Variants in DCC observed in about 807,000 individuals in gnomAD.
The protein encoded by DCC is netrin receptor DCC.
A neutral mutation model predicts 172.5 loss-of-function variants in DCC; 58 were observed. That is an observed-to-expected ratio of 0.34 (90% CI 0.27 to 0.42). The LOEUF (loss-of-function observed/expected upper bound fraction) is 0.42, where lower values mean the gene tolerates loss of function less well. Among genes scored for constraint, DCC ranks in the 10% least tolerant of loss-of-function variants. The pLI, the probability that DCC is intolerant of heterozygous loss-of-function variation, is 1.00. For synonymous variants in DCC, 709 were observed against 644.5 expected (o/e 1.10, Z -1.52); for missense variants, 1,740 against 1,791.0 (o/e 0.97, Z 0.51).
chr18:53,260,826 C>A (rs2056588155), intron 12 of DCC, among the ~76,000 whole-genome samples: 2 of 152,134 alleles, frequency 1.3e-5, no homozygotes, highest in Admixed American at 1.3e-4. Flanking sequence ...GCAGGCAGGC[C>A]TCCTTGAACT....
chr18:52,525,913 C>T (rs1428059866), intron 1 of DCC, among the ~76,000 whole-genome samples: 1 of 152,146 alleles, frequency 6.6e-6, no homozygotes, highest in Non-Finnish European at 1.5e-5. Flanking sequence ...TCTTATCTGC[C>T]AAATGAAAAT....
chr18:52,438,600 T>C (rs1429353204), intron 1 of DCC, among the ~76,000 whole-genome samples: 1 of 152,232 alleles, frequency 6.6e-6, no homozygotes, highest in Non-Finnish European at 1.5e-5. Flanking sequence ...TGAGCACTTA[T>C]ATAAACAAGA....
intron 1 of DCC, among the ~76,000 whole-genome samples, chr18:52,656,373 T>C (rs963271618): frequency 1.3e-5 from 2 of 151,890 alleles, no homozygotes; most frequent in Admixed American, 6.6e-5. Context: ...AACTGGAAAA[T>C]GGGCCCTCAC....
intron 5 of DCC, among the ~76,000 whole-genome samples, chr18:52,947,117 G>A (rs997285691): frequency 2.0e-5 from 3 of 152,068 alleles, no homozygotes; most frequent in African/African-American, 7.2e-5. Context: ...CTCTGCATTG[G>A]TGTGAATATT....
chr18:52,810,367 C>CCTTGCT (rs142084132), intron 2 of DCC, among the ~76,000 whole-genome samples: 315 of 152,240 alleles, frequency 2.1e-3, no homozygotes, highest in African/African-American at 7.1e-3. Context: ...CCTACCTGGG[C>CCTTGCT]CTTGCTCAGC....
At chr18:52,923,561 G>A in intron 3 of DCC, 146 bp from the exon 4 acceptor site, 3 of 695,988 alleles carry the variant, frequency 4.3e-6, no homozygotes, top group Non-Finnish European at 7.6e-6. Context: ...CACTTGGGAT[G>A]AAAAAAACTA....
chr18:52,427,889 T>G, intron 1 of DCC, among the ~76,000 whole-genome samples: 1 of 139,538 alleles, frequency 7.2e-6, no homozygotes, highest in South Asian at 2.4e-4. Context: ...CCTTCCTTCC[T>G]TCCTTGGCAC....
intron 1 of DCC, among the ~76,000 whole-genome samples, chr18:52,397,361 A>G (rs1402339571): frequency 2.0e-5 from 3 of 152,024 alleles, no homozygotes; most frequent in African/African-American, 7.2e-5. Context: ...ATTTCCATTT[A>G]TTCATGTACA....
chr18:53,029,611 T>C (rs2042000436), intron 5 of DCC, among the ~76,000 whole-genome samples: 2 of 75,120 alleles, frequency 2.7e-5, no homozygotes, highest in South Asian at 5.3e-4. Flanking sequence ...GCAGATTCTA[T>C]GTGTCTTTTT....
intron 1 of DCC, among the ~76,000 whole-genome samples, chr18:52,448,862 A>G (rs755211610): frequency 1.3e-5 from 2 of 152,360 alleles, no homozygotes; most frequent in East Asian, 3.9e-4. Flanking sequence ...GATTTTGGAA[A>G]ATAGTTTCGT....
At chr18:52,709,343 G>A (rs978539813) in intron 1 of DCC, among the ~76,000 whole-genome samples, 2 of 152,058 alleles carry the variant, frequency 1.3e-5, no homozygotes, top group African/African-American at 4.8e-5. Flanking sequence ...TAACCATTTG[G>A]CTTTAAACAT....
chr18:53,411,615 G>T (rs952588098), intron 20 of DCC, among the ~76,000 whole-genome samples: 1 of 152,112 alleles, frequency 6.6e-6, no homozygotes, highest in Non-Finnish European at 1.5e-5. Context: ...TCTAGGAAAG[G>T]TACCCTAGTA....
intron 12 of DCC, among the ~76,000 whole-genome samples, chr18:53,227,854 G>A (rs1230722719): frequency 6.6e-6 from 1 of 151,982 alleles, no homozygotes; most frequent in Non-Finnish European, 1.5e-5. Context: ...TTGTGTTTTA[G>A]CTGAGAGGCA....
At chr18:53,294,533 G>A (rs529130433) in intron 12 of DCC, among the ~76,000 whole-genome samples, 1 of 152,328 alleles carries the variant, frequency 6.6e-6, no homozygotes, top group East Asian at 1.9e-4. Context: ...GAAAGGGTGG[G>A]TGTATTTTGG....
chr18:52,752,941 T>C (rs1173819727), intron 2 of DCC, among the ~76,000 whole-genome samples: 1 of 152,120 alleles, frequency 6.6e-6, no homozygotes, highest in African/African-American at 2.4e-5. Context: ...TTACTCTTTT[T>C]AAAGGCTGAA....
At position 52,593,592 on chromosome 18, in the gene DCC, T is replaced by C. The variant is rs550411641; in HGVS notation, c.92-158462T>C. ...GTTTTTAAAATTTAATATTTACATG[T>C]ATAACCTAACATCAATGCATTAATC... On this transcript the variant is annotated intron_variant, in intron 1 of 28. Coordinates refer to ENST00000442544, the MANE Select transcript of DCC (RefSeq NM_005215.4). Among the ~76,000 whole-genome samples the C allele has an allele frequency of 1.4e-4, 21 of 152,354 alleles. No homozygotes were observed. In the South Asian group the frequency reaches 3.5e-3, roughly 26 times the overall value.
At chr18:52,604,902 T>C (rs1267036695) in intron 1 of DCC, among the ~76,000 whole-genome samples, 2 of 152,138 alleles carry the variant, frequency 1.3e-5, no homozygotes, top group Non-Finnish European at 2.9e-5. Flanking sequence ...TATTCCCAGT[T>C]GGTATGCTTC....
At chr18:53,512,718 A>G (rs947852725) in intron 27 of DCC, among the ~76,000 whole-genome samples, 1 of 151,190 alleles carries the variant, frequency 6.6e-6, no homozygotes, top group African/African-American at 2.5e-5. Flanking sequence ...TCAGCAATGG[A>G]AGATGAAATG....
At chr18:53,463,833 G>A (rs1043491075) in intron 24 of DCC, among the ~76,000 whole-genome samples, 15 of 151,998 alleles carry the variant, frequency 9.9e-5, no homozygotes, top group Admixed American at 9.8e-4. Context: ...TTAGCTTTTT[G>A]GATAAAACCA....
Sources: gnomAD v4.1 joint callset for allele counts (sites outside exome capture counted in the v4.1 genomes callset) on GRCh38, gnomAD v4.1.1 for gene constraint, MANE v1.5 for transcripts, NCBI Gene and HGNC (gene_info 2026-07-23, HGNC 2026-07-21) for gene names.